ROBO2: variants seen among roughly 807,000 people sequenced by gnomAD.
ROBO2 encodes roundabout guidance receptor 2.
In ROBO2, 53 loss-of-function variants were observed where a neutral mutation model predicts 160.8. The observed-to-expected ratio is 0.33, with a 90% CI of 0.26 to 0.41. The LOEUF (loss-of-function observed/expected upper bound fraction) is 0.41. Among genes scored for constraint, ROBO2 ranks in the 10% least tolerant of loss-of-function variants. The pLI is 1.00. For synonymous variants in ROBO2, 664 were observed against 611.7 expected (o/e 1.09, Z -1.26); for missense variants, 1,577 against 1,722.4 (o/e 0.92, Z 1.49).
chr3:77,046,303 C>A (rs1012184437), intron 1 of ROBO2, among the ~76,000 whole-genome samples: 1 of 152,160 alleles, frequency 6.6e-6, no homozygotes, highest in African/African-American at 2.4e-5. Flanking sequence ...TGAAGTGAAA[C>A]AATTTTATAT....
intron 2 of ROBO2, among the ~76,000 whole-genome samples, chr3:76,318,458 C>A (rs926540407): frequency 2.0e-5 from 3 of 151,998 alleles, no homozygotes; most frequent in African/African-American, 7.3e-5. Context: ...TACACACATG[C>A]ATATACACAT....
intron 2 of ROBO2, among the ~76,000 whole-genome samples, chr3:76,286,418 C>T (rs2107686302): frequency 6.6e-6 from 1 of 152,182 alleles, no homozygotes; most frequent in East Asian, 1.9e-4. Flanking sequence ...ATAGTGTTGG[C>T]AGAGATGCTT....
intron 12 of ROBO2, 74 bp downstream of exon 13, chr3:77,565,194 A>G (rs1266911650): frequency 2.6e-6 from 4 of 1,510,248 alleles, no homozygotes; most frequent in East Asian, 2.3e-5. Context: ...GGGCTTGATG[A>G]GGAAATATAC....
At chr3:77,049,501 T>C (rs2149681371) in intron 1 of ROBO2, among the ~76,000 whole-genome samples, 1 of 152,352 alleles carries the variant, frequency 6.6e-6, no homozygotes, top group East Asian at 1.9e-4. Flanking sequence ...ACTAGTCTTA[T>C]GATTCACATC....
intron 2 of ROBO2, chr3:75,937,749 A>C: frequency 2.6e-6 from 1 of 391,754 alleles, no homozygotes; most frequent in Non-Finnish European, 4.5e-6. Context: ...ATGCCTCTGC[A>C]CCAGTTAAAT....
intron 9 of ROBO2, among the ~76,000 whole-genome samples, chr3:77,560,827 C>A (rs1227855565): frequency 1.3e-5 from 2 of 152,120 alleles, no homozygotes; most frequent in Non-Finnish European, 2.9e-5. Context: ...ATAACAAGTG[C>A]TACATTTTAG....
At chr3:76,306,365 A>G (rs973587880) in intron 2 of ROBO2, among the ~76,000 whole-genome samples, 51 of 152,034 alleles carry the variant, frequency 3.4e-4, no homozygotes, top group Admixed American at 1.0e-3. Flanking sequence ...AACTCACATT[A>G]TGCCATTACT....
chr3:77,340,255 A>G (rs1304727326), intron 2 of ROBO2, among the ~76,000 whole-genome samples: 1 of 152,128 alleles, frequency 6.6e-6, no homozygotes, highest in Non-Finnish European at 1.5e-5. Flanking sequence ...GTTTGCAAAC[A>G]CTGGTGGTTT....
intron 2 of ROBO2, among the ~76,000 whole-genome samples, chr3:76,506,936 A>G (rs1188318263): frequency 6.6e-6 from 1 of 152,202 alleles, no homozygotes; most frequent in Non-Finnish European, 1.5e-5. Context: ...CTTAGTCAAA[A>G]TCTTCTAATA....
intron 23 of ROBO2, among the ~76,000 whole-genome samples, chr3:77,627,431 C>A (rs1031510914): frequency 6.6e-6 from 1 of 152,002 alleles, no homozygotes; most frequent in South Asian, 2.1e-4. Context: ...AGGCTCGGGC[C>A]ACCACGCTAA....
intron 2 of ROBO2, among the ~76,000 whole-genome samples, chr3:76,414,983 G>A (rs1187392431): frequency 2.0e-5 from 3 of 152,088 alleles, no homozygotes; most frequent in Non-Finnish European, 2.9e-5. Context: ...ATGACATCAT[G>A]GTTGTTATGA....
At position 76,829,478 on chromosome 3, in the gene ROBO2, T is replaced by TA. The variant is rs200423459; in HGVS notation, c.110-268527dup. 4.5e-3 allele frequency among the ~76,000 whole-genome samples: 674 copies of TA among 150,532 alleles called. 3 individuals are homozygous for TA. The highest frequency in any genetic ancestry group is 8.5e-3 in the African/African-American group (347 of 41,036). ...ATGTACCCCAGAACTGAAAGTATAA[T>TA]AAAAAAAAAGAAAGAAAGAAAATCC... On this transcript the variant is annotated intron_variant, in intron 2 of 26. Transcript: ENST00000487694.
At chr3:77,476,795 C>T (rs1206987240) in intron 2 of ROBO2, among the ~76,000 whole-genome samples, 3 of 152,086 alleles carry the variant, frequency 2.0e-5, no homozygotes, top group Admixed American at 6.6e-5. Context: ...TATCTCTGCC[C>T]TGAATGTCAC....
chr3:75,952,985 G>A (rs548628487), intron 2 of ROBO2, among the ~76,000 whole-genome samples: 6 of 151,930 alleles, frequency 3.9e-5, no homozygotes, highest in South Asian at 2.1e-4. Context: ...ATAATATTCC[G>A]TTGCCTGGAT....
chr3:76,090,950 A>C (rs528998417), intron 2 of ROBO2, among the ~76,000 whole-genome samples: 209 of 152,348 alleles, frequency 1.4e-3, no homozygotes, highest in African/African-American at 3.5e-3. Context: ...CCACAGATTA[A>C]TTCAAAATGG....
At chr3:76,654,645 A>T (rs1426339289) in intron 2 of ROBO2, among the ~76,000 whole-genome samples, 1 of 152,098 alleles carries the variant, frequency 6.6e-6, no homozygotes, top group Non-Finnish European at 1.5e-5. Flanking sequence ...GGGTGACAAG[A>T]TCTGTGCTCA....
chr3:76,112,330 G>T (rs1036426425), intron 2 of ROBO2, among the ~76,000 whole-genome samples: 8 of 152,034 alleles, frequency 5.3e-5, no homozygotes, highest in African/African-American at 1.7e-4. Flanking sequence ...TGGGCATCTT[G>T]TCAAAATTTC....
intron 2 of ROBO2, among the ~76,000 whole-genome samples, chr3:77,023,934 A>G (rs569127667): frequency 1.4e-4 from 22 of 152,358 alleles, no homozygotes; most frequent in Non-Finnish European, 2.9e-4. Flanking sequence ...AATTCAGAAC[A>G]TATACAGTAT....
intron 2 of ROBO2, among the ~76,000 whole-genome samples, chr3:76,859,018 G>A (rs2070450262): frequency 6.6e-6 from 1 of 152,152 alleles, no homozygotes. Flanking sequence ...AAAATGGAAA[G>A]TAAAGAAAAT....
Sources: allele counts gnomAD v4.1 joint callset (sites outside exome capture counted in the v4.1 genomes callset), GRCh38; gene constraint gnomAD v4.1.1; transcripts MANE v1.5; gene names NCBI Gene and HGNC (gene_info 2026-07-23, HGNC 2026-07-21).